RBFOX1: variants seen among roughly 807,000 people sequenced by gnomAD.
RBFOX1 encodes RNA binding fox-1 homolog 1.
In RBFOX1, 8 loss-of-function variants were observed where a neutral mutation model predicts 57.7. The observed-to-expected ratio is 0.14, with a 90% confidence interval of 0.08 to 0.25. The LOEUF is 0.25. Among genes scored for constraint, RBFOX1 ranks in the 10% least tolerant of loss-of-function variants. RBFOX1 has a pLI of 1.00. For missense variants in RBFOX1, 611 were observed against 548.5 expected (o/e 1.11, Z -1.14); for synonymous variants, 326 against 222.4 (o/e 1.47, Z -4.15).
intron 3 of RBFOX1, among the ~76,000 whole-genome samples, chr16:5,862,611 G>C (rs1340197094): frequency 1.3e-5 from 2 of 152,180 alleles, no homozygotes; most frequent in African/African-American, 4.8e-5. Flanking sequence ...TAGGATGATA[G>C]AGACCGGGTT....
At chr16:7,349,530 T>C (rs60494887) in intron 4 of RBFOX1, among the ~76,000 whole-genome samples, 29,292 of 66,630 alleles carry the variant, frequency 0.44, 4,489 homozygotes, top group African/African-American at 0.54. Flanking sequence ...TTTAAAAGAC[T>C]TTTTTTTTTC....
intron 2 of RBFOX1, among the ~76,000 whole-genome samples, chr16:6,502,276 A>G (rs1049442382): frequency 6.6e-6 from 1 of 152,126 alleles, no homozygotes; most frequent in Non-Finnish European, 1.5e-5. Context: ...GAGAAAGTTG[A>G]CATCAGAACC....
At chr16:6,732,556 G>T (rs2068936334) in intron 3 of RBFOX1, among the ~76,000 whole-genome samples, 1 of 152,222 alleles carries the variant, frequency 6.6e-6, no homozygotes, top group Middle Eastern at 3.2e-3. Flanking sequence ...TTTTCATCCT[G>T]AATAGGCAGA....
intron 4 of RBFOX1, among the ~76,000 whole-genome samples, chr16:7,420,574 T>C (rs2098530807): frequency 6.6e-6 from 1 of 152,142 alleles, no homozygotes; most frequent in South Asian, 2.1e-4. Context: ...GAATTATTTA[T>C]TATTTGTATC....
intron 3 of RBFOX1, among the ~76,000 whole-genome samples, chr16:5,832,296 CA>C (rs2056301338): frequency 6.6e-6 from 1 of 152,184 alleles, no homozygotes; most frequent in Non-Finnish European, 1.5e-5. Context: ...CAGCTAGTTC[CA>C]AACCTTACTG....
At chr16:6,173,178 A>G (rs557781875) in intron 1 of RBFOX1, among the ~76,000 whole-genome samples, 1 of 152,240 alleles carries the variant, frequency 6.6e-6, no homozygotes, top group East Asian at 1.9e-4. Flanking sequence ...ACGGTAACAT[A>G]GTCACAGGTT....
chr16:5,484,642 G>T (rs1444173053), intron 2 of RBFOX1, among the ~76,000 whole-genome samples: 1 of 152,170 alleles, frequency 6.6e-6, no homozygotes, highest in Non-Finnish European at 1.5e-5. Flanking sequence ...GCCGGGTGTG[G>T]TGGCTCACAC....
Position 6,348,523 on chromosome 16 carries a change from G to C in RBFOX1, c.-64+31466G>C, listed in dbSNP as rs550543053. 8.5e-5 allele frequency among the ~76,000 whole-genome samples: 13 copies of C among 152,152 alleles called. No homozygotes were observed. In the East Asian group the frequency reaches 1.5e-3, roughly 18 times the overall value. ...TGCTATAAGGAAATACCTGAGACGG[G>C]GTAATTTATAAAGAAATGAGCATTA... On this transcript the variant is annotated intron_variant, in intron 2 of 15. Transcript: ENST00000550418.
At chr16:6,688,188 A>T (rs1233344367) in intron 3 of RBFOX1, among the ~76,000 whole-genome samples, 1 of 152,150 alleles carries the variant, frequency 6.6e-6, no homozygotes, top group Non-Finnish European at 1.5e-5. Context: ...GGTGGAAAAA[A>T]AAAAAGAGAA....
At chr16:6,767,952 AG>A (rs2077631433) in intron 3 of RBFOX1, among the ~76,000 whole-genome samples, 1 of 97,810 alleles carries the variant, frequency 1.0e-5, no homozygotes, top group Non-Finnish European at 2.0e-5. Context: ...AATAATAAGA[AG>A]AAGAAGAAGA....
chr16:6,129,468 A>T (rs900169473), intron 1 of RBFOX1, among the ~76,000 whole-genome samples: 1 of 152,202 alleles, frequency 6.6e-6, no homozygotes, highest in African/African-American at 2.4e-5. Flanking sequence ...AAATTATTCA[A>T]TCTGAAGAAT....
chr16:6,960,298 G>A (rs2082688938), intron 3 of RBFOX1, among the ~76,000 whole-genome samples: 2 of 152,110 alleles, frequency 1.3e-5, no homozygotes, highest in Non-Finnish European at 2.9e-5. Context: ...TAGATGAGAA[G>A]TTAATCACTT....
chr16:7,263,777 T>A (rs1019194570), intron 4 of RBFOX1, among the ~76,000 whole-genome samples: 8 of 151,940 alleles, frequency 5.3e-5, no homozygotes, highest in African/African-American at 1.7e-4. Flanking sequence ...GTGCCTGTAA[T>A]CCCAGCTGCT....
At chr16:6,062,299 G>C (rs939625238) in intron 1 of RBFOX1, among the ~76,000 whole-genome samples, 1 of 149,654 alleles carries the variant, frequency 6.7e-6, no homozygotes, top group South Asian at 2.1e-4. Flanking sequence ...TAGCCCCCCT[G>C]CCCTCTCAAG....
At chr16:6,931,088 A>G (rs2076428661) in intron 3 of RBFOX1, among the ~76,000 whole-genome samples, 1 of 152,084 alleles carries the variant, frequency 6.6e-6, no homozygotes, top group Non-Finnish European at 1.5e-5. Flanking sequence ...AGAATAGCAG[A>G]TATTGAATAA....
At chr16:6,425,124 T>C (rs560294139) in intron 2 of RBFOX1, among the ~76,000 whole-genome samples, 1 of 152,316 alleles carries the variant, frequency 6.6e-6, no homozygotes, top group East Asian at 1.9e-4. Context: ...TTATACCTTT[T>C]AGTAATATTA....
At chr16:5,674,549 A>T (rs1218231358) in intron 3 of RBFOX1, among the ~76,000 whole-genome samples, 2 of 152,238 alleles carry the variant, frequency 1.3e-5, no homozygotes, top group African/African-American at 4.8e-5. Context: ...GGTAGACAGA[A>T]GGCTTCCTGG....
intron 4 of RBFOX1, among the ~76,000 whole-genome samples, chr16:5,969,694 C>G (rs2059925477): frequency 6.6e-6 from 1 of 151,868 alleles, no homozygotes; most frequent in Admixed American, 6.6e-5. Context: ...ACAGAGCTCC[C>G]TCTTTTGTTG....
intron 6 of RBFOX1, among the ~76,000 whole-genome samples, chr16:7,585,964 T>C (rs1210952101): frequency 2.0e-5 from 3 of 152,032 alleles, no homozygotes; most frequent in Non-Finnish European, 4.4e-5. Context: ...GAAGCACGCG[T>C]AATGCTCTCC....
Sources: allele counts gnomAD v4.1 joint callset (sites outside exome capture counted in the v4.1 genomes callset), GRCh38; gene constraint gnomAD v4.1.1; transcripts MANE v1.5; gene names NCBI Gene and HGNC (gene_info 2026-07-23, HGNC 2026-07-21).